The following DPP10 variants were observed in gnomAD, a reference collection of about 807,000 sequenced individuals.
The protein encoded by DPP10 is inactive dipeptidyl peptidase 10.
Under a neutral mutation model 120.9 loss-of-function variants are expected in DPP10, and 33 were observed. The observed-to-expected ratio is 0.27, with a 90% confidence interval of 0.21 to 0.37. The LOEUF is 0.37. DPP10 is among the 10% of genes least tolerant of loss of function. The pLI, the probability that DPP10 is intolerant of heterozygous loss-of-function variation, is 1.00. For synonymous variants in DPP10, 337 were observed against 326.1 expected, an observed-to-expected ratio of 1.03 and a Z score of -0.36; for missense variants, 816 against 942.8, an observed-to-expected ratio of 0.87 and a Z score of 1.76.
At chr2:115,641,458 C>G (rs184491833) in intron 5 of DPP10, among the ~76,000 whole-genome samples, 7 of 152,240 alleles carry the variant, frequency 4.6e-5, no homozygotes, top group Non-Finnish European at 1.0e-4. Context: ...CTGCTCTTCC[C>G]GTTCATTTCC....
At chr2:115,252,719 C>T (rs1366785549) in intron 1 of DPP10, among the ~76,000 whole-genome samples, 2 of 152,120 alleles carry the variant, frequency 1.3e-5, no homozygotes, top group Non-Finnish European at 2.9e-5. Context: ...CCAGATATTT[C>T]TTTATGTACT....
chr2:114,767,858 T>C (rs1172474072), intron 1 of DPP10, among the ~76,000 whole-genome samples: 1 of 152,174 alleles, frequency 6.6e-6, no homozygotes, highest in Non-Finnish European at 1.5e-5. Flanking sequence ...TGGTGGCTCA[T>C]GCCTGTAATC....
chr2:115,156,205 C>G (rs191930096), intron 1 of DPP10, among the ~76,000 whole-genome samples: 1 of 152,212 alleles, frequency 6.6e-6, no homozygotes, highest in South Asian at 2.1e-4. Context: ...CCTGATATCC[C>G]GAAACTATTA....
intron 3 of DPP10, among the ~76,000 whole-genome samples, chr2:115,384,623 G>A (rs925207506): frequency 6.9e-6 from 1 of 144,954 alleles, no homozygotes; most frequent in East Asian, 2.0e-4. Context: ...GAAGGAAGAA[G>A]AAGAGGAAGA....
chr2:114,672,713 C>T (rs1054183260), intron 1 of DPP10, among the ~76,000 whole-genome samples: 5 of 152,086 alleles, frequency 3.3e-5, no homozygotes, highest in South Asian at 2.1e-4. Flanking sequence ...CATGGGGATT[C>T]GTAGGAGATT....
chr2:115,537,850 C>A (rs775431331), intron 5 of DPP10, among the ~76,000 whole-genome samples: 4 of 151,944 alleles, frequency 2.6e-5, no homozygotes, highest in Admixed American at 6.6e-5. Context: ...GAAGGCCTGG[C>A]TGAGCTGGGA....
intron 1 of DPP10, among the ~76,000 whole-genome samples, chr2:114,505,590 C>CA (rs1256778457): frequency 6.6e-6 from 1 of 152,056 alleles, no homozygotes; most frequent in Non-Finnish European, 1.5e-5. Flanking sequence ...TTTGAGGTGG[C>CA]ATGTCCTGAA....
At chr2:114,929,883 A>G (rs1236816177) in intron 1 of DPP10, among the ~76,000 whole-genome samples, 1 of 152,210 alleles carries the variant, frequency 6.6e-6, no homozygotes, top group Non-Finnish European at 1.5e-5. Flanking sequence ...AACGACAGGC[A>G]TAAGAAATTA....
At chr2:115,713,205 G>C (rs938197280) in intron 7 of DPP10, among the ~76,000 whole-genome samples, 3 of 152,106 alleles carry the variant, frequency 2.0e-5, no homozygotes, top group Admixed American at 6.5e-5. Context: ...ATAAGCAGCA[G>C]TCATGAGAGA....
intron 5 of DPP10, among the ~76,000 whole-genome samples, chr2:115,645,404 T>A (rs1205455850): frequency 1.3e-5 from 2 of 152,186 alleles, no homozygotes; most frequent in African/African-American, 4.8e-5. Context: ...ACACCCTCTT[T>A]CAGATGAGTC....
intron 1 of DPP10, among the ~76,000 whole-genome samples, chr2:114,754,225 C>T (rs1453636999): frequency 6.6e-6 from 1 of 152,036 alleles, no homozygotes; most frequent in Non-Finnish European, 1.5e-5. Flanking sequence ...CAGCATGGGC[C>T]GAGGCTTAGT....
At chr2:114,665,884 C>T (rs534952161) in intron 1 of DPP10, among the ~76,000 whole-genome samples, 10 of 152,112 alleles carry the variant, frequency 6.6e-5, no homozygotes, top group Non-Finnish European at 1.3e-4. Context: ...TAGTTTTGCT[C>T]CAGTAGCCTG....
At chr2:115,402,959 A>ATG (rs1448721772) in intron 3 of DPP10, among the ~76,000 whole-genome samples, 2 of 146,830 alleles carry the variant, frequency 1.4e-5, no homozygotes, top group African/African-American at 5.0e-5. Flanking sequence ...GTATATATAT[A>ATG]TATATGTATA....
chr2:115,673,183 T>C (rs897917108), intron 5 of DPP10, among the ~76,000 whole-genome samples: 4 of 152,166 alleles, frequency 2.6e-5, no homozygotes, highest in Non-Finnish European at 5.9e-5. Flanking sequence ...TCATTAATGA[T>C]ATAGTTTGGG....
Position 114,848,995 on chromosome 2 carries a change from G to C in DPP10, c.60+406157G>C, listed in dbSNP as rs528611387. ...CTCACATGATGGGAAGTACTATCTG[G>C]GGCCTCTTTTATAAGGGCACTAATC... On this transcript the variant is annotated intron_variant, in intron 1 of 25. Transcript: ENST00000410059. Among the ~76,000 whole-genome samples, 5 of 152,224 alleles carry C rather than the reference G, an allele frequency of 3.3e-5. No homozygotes were observed. The South Asian group carries it at 1.0e-3, about 32-fold the overall frequency.
At chr2:115,525,199 G>A (rs1344428791) in intron 4 of DPP10, among the ~76,000 whole-genome samples, 3 of 151,952 alleles carry the variant, frequency 2.0e-5, no homozygotes, top group Non-Finnish European at 4.4e-5. Context: ...CAATGTGCTT[G>A]CCCTCTCTTT....
At chr2:114,824,721 G>A (rs538969330) in intron 1 of DPP10, among the ~76,000 whole-genome samples, 2 of 152,228 alleles carry the variant, frequency 1.3e-5, no homozygotes, top group African/African-American at 4.8e-5. Flanking sequence ...TCTAAAAATA[G>A]CGTTAATTGA....
intron 1 of DPP10, among the ~76,000 whole-genome samples, chr2:115,227,444 T>C (rs2057489416): frequency 6.6e-6 from 1 of 152,208 alleles, no homozygotes; most frequent in Admixed American, 6.6e-5. Context: ...CATTGAAATG[T>C]AATTTGCATA....
chr2:115,103,395 A>G (rs2048798597), intron 1 of DPP10, among the ~76,000 whole-genome samples: 2 of 151,966 alleles, frequency 1.3e-5, no homozygotes, highest in Admixed American at 1.3e-4. Flanking sequence ...TCACCATGTT[A>G]GCCAGGATGG....
Sources: gnomAD v4.1 joint callset for allele counts (sites outside exome capture counted in the v4.1 genomes callset) on GRCh38, gnomAD v4.1.1 for gene constraint, MANE v1.5 for transcripts, NCBI Gene and HGNC (gene_info 2026-07-23, HGNC 2026-07-21) for gene names.